Variants in CDK12 observed in about 807,000 individuals in gnomAD.
CDK12 encodes the protein cyclin dependent kinase 12.
A neutral mutation model predicts 133.8 loss-of-function variants in CDK12; 17 were observed. That is an observed-to-expected ratio of 0.13 (90% CI 0.09 to 0.19). The LOEUF is 0.19. Among genes scored for constraint, CDK12 ranks in the 10% least tolerant of loss-of-function variants. The pLI is 1.00. For synonymous variants in CDK12, 694 were observed against 683.6 expected (o/e 1.02, Z -0.24); for missense variants, 1,508 against 1,818.7 (o/e 0.83, Z 3.11).
In CDK12 at chr17:39,530,760, C is replaced by T. The variant is rs2054788141; in HGVS notation, c.3917C>T (p.Ser1306Phe). 1 of 1,613,964 alleles carries T rather than the reference C, an allele frequency of 6.2e-7. No homozygotes were observed. Among genetic ancestry groups the T allele is most frequent in the African/African-American group, 1.3e-5 (1 of 74,892 alleles). The change falls in exon 14 of 14, where the codon TCC (serine) becomes TTC (phenylalanine). Residue 1306 changes from serine to phenylalanine, a missense_variant. Around this residue, in one of 9 missense-constraint regions of CDK12, gnomAD observed 399 missense variants for 469.6 expected, o/e 0.85. Coordinates refer to ENST00000447079, the MANE Select transcript of CDK12 (RefSeq NM_016507.4). ...AVTAALLQLL[S>F]QPEAEPPGHL... ...ACAGCCGCCTTGCTGCAACTTTTATCCCAGCCTGAAGCAGAGCCTCCTGGC... is the reference window on the plus strand; with the variant it reads ...ACAGCCGCCTTGCTGCAACTTTTATTCCAGCCTGAAGCAGAGCCTCCTGGC...
At chr17:39,537,557 A>G (rs1028243046), downstream of CDK12, among the ~76,000 whole-genome samples, 11 of 146,100 alleles carry the variant, frequency 7.5e-5, no homozygotes, top group Admixed American at 6.1e-4. Flanking sequence ...TTATTTATTT[A>G]TTTATTTATT....
chr17:39,479,259 G>A (rs564438395), intron 2 of CDK12, among the ~76,000 whole-genome samples: 2 of 145,024 alleles, frequency 1.4e-5, no homozygotes, highest in African/African-American at 5.1e-5. Flanking sequence ...AGTGAGCCGC[G>A]ATCATGCCAC....
intron 1 of CDK12, among the ~76,000 whole-genome samples, chr17:39,466,548 A>C (rs191506089): frequency 9.1e-4 from 127 of 139,070 alleles, no homozygotes; most frequent in Middle Eastern, 3.7e-3. Flanking sequence ...CAGGAGGAGG[A>C]GGTTGAGGTG....
chr17:39,531,001 C>T lies in CDK12; in HGVS notation c.4158C>T (p.Ser1386=), dbSNP rs771358152. 1 of 1,614,188 alleles carries T rather than the reference C, an allele frequency of 6.2e-7. No homozygotes were observed. The highest frequency in any genetic ancestry group is 1.1e-5 in the South Asian group (1 of 91,080). The change falls in exon 14 of 14, where the codon TCC becomes TCT. Residue 1386 remains serine (S), a synonymous_variant. Coordinates refer to ENST00000447079, the MANE Select transcript of CDK12 (RefSeq NM_016507.4). ...GCTCTCTGAGCCACCTTGGGGAGTC[C>T]AGCAGTTACCAGGGCACAGGGTCAG... ...FSGSLSHLGE[S]SSYQGTGSVQ... is the part of the protein sequence containing the mutation.
chr17:39,540,019 T>C (rs1177944172), intron 1 of CDK12, among the ~76,000 whole-genome samples: 1 of 152,200 alleles, frequency 6.6e-6, no homozygotes, highest in Non-Finnish European at 1.5e-5. Flanking sequence ...CATGATGAGA[T>C]GAAAATCACA....
At chr17:39,543,836 C>T (rs1228228906), upstream of CDK12, among the ~76,000 whole-genome samples, 2 of 152,148 alleles carry the variant, frequency 1.3e-5, no homozygotes, top group Non-Finnish European at 2.9e-5. Flanking sequence ...GATGAGAGAG[C>T]CACAAGTCCA....
chr17:39,522,678 C>T (rs1415773861), intron 11 of CDK12, among the ~76,000 whole-genome samples: 3 of 152,100 alleles, frequency 2.0e-5, no homozygotes, highest in African/African-American at 4.8e-5. Flanking sequence ...AGGTGATTCG[C>T]CTGCCTCGTC....
At position 39,526,269 on chromosome 17, in the gene CDK12, C is replaced by T. The variant is rs1370673778; in HGVS notation, c.3713C>T (p.Pro1238Leu). 1.9e-6 allele frequency: 3 copies of T among 1,606,528 alleles called. No homozygotes were observed. The highest frequency in any genetic ancestry group is 1.3e-5 in the African/African-American group (1 of 74,816). Residue 1238 changes from proline (P) to leucine (L), a missense_variant, in exon 13 of 14, where the codon CCA becomes CTA. Coordinates refer to ENST00000447079, the MANE Select transcript of CDK12 (RefSeq NM_016507.4). ...AACAACAGTGACAAGAACAGTGGGC[C>T]ACAGGGGCCCCGAAGAACTCCCACA... ...EENNSDKNSG[P>L]QGPRRTPTMP... is the part of the protein sequence containing the mutation.
intron 2 of CDK12, among the ~76,000 whole-genome samples, chr17:39,487,161 A>G (rs572785359): frequency 6.6e-6 from 1 of 152,232 alleles, no homozygotes; most frequent in East Asian, 1.9e-4. Context: ...ATCATTATCT[A>G]CTCCACTGAC....
At position 39,507,503 on chromosome 17, in the gene CDK12, G is replaced by A. The variant is rs938771311; in HGVS notation, c.2610-2202G>A. 6.6e-5 allele frequency among the ~76,000 whole-genome samples: 10 copies of A among 151,562 alleles called. 1 individual carries two copies. The East Asian group carries it at 1.4e-3, about 21-fold the overall frequency. ...CGGGAGGCAGAGGTTGTAGTGAGCCGAGATAGCGCCATCGCACTCCAGCCT... is the reference window on the plus strand; with the variant it reads ...CGGGAGGCAGAGGTTGTAGTGAGCCAAGATAGCGCCATCGCACTCCAGCCT... On this transcript the variant is annotated intron_variant, in intron 6 of 13. Coordinates refer to ENST00000447079, the MANE Select transcript of CDK12 (RefSeq NM_016507.4).
chr17:39,500,464 C>T (rs923781124), intron 5 of CDK12, among the ~76,000 whole-genome samples: 1 of 151,862 alleles, frequency 6.6e-6, no homozygotes. Flanking sequence ...GAAATCTCGT[C>T]TCTACTCAAA....
At chr17:39,528,008 T>C (rs942161175) in intron 13 of CDK12, among the ~76,000 whole-genome samples, 24 of 151,474 alleles carry the variant, frequency 1.6e-4, no homozygotes, top group African/African-American at 5.6e-4. Context: ...CTCTGCCTCC[T>C]GGGTTCAAGC....
At chr17:39,538,917 A>ATACG (rs1305306984), downstream of CDK12, among the ~76,000 whole-genome samples, 1,921 of 151,488 alleles carry the variant, frequency 0.013, 50 homozygotes, top group African/African-American at 0.044. Context: ...ACATACATAC[A>ATACG]TACATACATA....
chr17:39,524,466 T>C (rs990769325), intron 11 of CDK12, among the ~76,000 whole-genome samples: 1 of 152,210 alleles, frequency 6.6e-6, no homozygotes, highest in African/African-American at 2.4e-5. Flanking sequence ...CTATGTAACT[T>C]TCGTACTTTT....
chr17:39,475,439 C>T (rs1021560039), intron 2 of CDK12, among the ~76,000 whole-genome samples: 8 of 151,780 alleles, frequency 5.3e-5, no homozygotes, highest in African/African-American at 9.7e-5. Context: ...GGCCACTGTA[C>T]GCCAGCTTGT....
upstream of CDK12, chr17:39,544,085 C>T: frequency 2.5e-6 from 1 of 407,068 alleles, no homozygotes; most frequent in Non-Finnish European, 5.0e-6. Context: ...TAAGGTTAGT[C>T]TGAATCCTTC....
chr17:39,536,455 ACAAAAGATTATTTTGTACCCT>A (rs2143501644), downstream of CDK12, among the ~76,000 whole-genome samples: 1 of 152,294 alleles, frequency 6.6e-6, no homozygotes, highest in African/African-American at 2.4e-5. Flanking sequence ...TATGTAGGGT[ACAAAAGATTATTTTGTACCCT>A]GGCCAGGAAA....
intron 2 of CDK12, among the ~76,000 whole-genome samples, chr17:39,485,087 G>A (rs548510346): frequency 2.0e-5 from 3 of 150,964 alleles, no homozygotes; most frequent in African/African-American, 4.9e-5. Context: ...GGAGAATGGC[G>A]TGAACCCAGG....
At chr17:39,552,285 G>A (rs1394873064) in intron 2 of CDK12, among the ~76,000 whole-genome samples, 1 of 152,236 alleles carries the variant, frequency 6.6e-6, no homozygotes, top group Non-Finnish European at 1.5e-5. Flanking sequence ...GAGGAAGGCT[G>A]TGCCAAGGGG....
Sources: allele counts gnomAD v4.1 joint callset (sites outside exome capture counted in the v4.1 genomes callset), GRCh38; gene constraint gnomAD v4.1.1; regional missense constraint gnomAD v4.1.1; transcripts MANE v1.5; gene names NCBI Gene and HGNC (gene_info 2026-07-23, HGNC 2026-07-21).